Variants in ZSCAN18 observed in about 807,000 individuals in gnomAD.
ZSCAN18 encodes the protein zinc finger and SCAN domain containing 18, also known as zinc finger and SCAN domain-containing protein 18.
In ZSCAN18, 16 loss-of-function variants were observed where a neutral mutation model predicts 31.1. That is an observed-to-expected ratio of 0.51 (90% CI 0.35 to 0.78). The LOEUF (loss-of-function observed/expected upper bound fraction) is 0.78, where lower values mean the gene tolerates loss of function less well. ZSCAN18 is among the 30% of genes least tolerant of loss of function. ZSCAN18 has a pLI of 0.01. For synonymous variants in ZSCAN18, 375 were observed against 320.7 expected (o/e 1.17, Z -1.81); for missense variants, 731 against 697.4 (o/e 1.05, Z -0.54).
At chr19:58,101,258 G>A (rs979284191), upstream of ZSCAN18, among the ~76,000 whole-genome samples, 8 of 148,378 alleles carry the variant, frequency 5.4e-5, no homozygotes, top group African/African-American at 7.5e-5. Flanking sequence ...TCAGCCTCCC[G>A]AATAGCTGGG....
At chr19:58,097,882 C>T (rs1206741618) in intron 1 of ZSCAN18, 1 of 963,780 alleles carries the variant, frequency 1.0e-6, no homozygotes, top group African/African-American at 1.9e-5. Flanking sequence ...CCCTAAGCGC[C>T]TCCCCTCCAC....
At chr19:58,105,976 A>G (rs1353563372) in intron 1 of ZSCAN18, among the ~76,000 whole-genome samples, 3 of 152,076 alleles carry the variant, frequency 2.0e-5, no homozygotes, top group Non-Finnish European at 4.4e-5. Flanking sequence ...GAGAATCCTT[A>G]TCAAAAAAGA....
Position 58,108,737 on chromosome 19 carries a change from C to T in ZSCAN18, c.130+9530G>A, listed in dbSNP as rs1043020418. 4.1e-6 allele frequency: 4 copies of T among 985,456 alleles called. No homozygotes were observed. In the African/African-American group the frequency reaches 7.0e-5, roughly 17 times the overall value. The allele number at this position is 985,456 out of a possible 1,614,324, so 61.0% of individuals were successfully genotyped here. A position where few individuals can be genotyped will look rare whatever the true frequency, so the allele number is the denominator to read the frequency against. On this transcript the variant is annotated intron_variant, in intron 1 of 1. Coordinates refer to the ZSCAN18 transcript ENST00000595721. ...GGACATGTGTCCCTATCAAACACCT[C>T]CTCGTGTCCTTCTCCTTTGTGTTGT...
chr19:58,097,639 C>T (rs934831582), intron 1 of ZSCAN18, among the ~76,000 whole-genome samples: 1 of 151,512 alleles, frequency 6.6e-6, no homozygotes, highest in African/African-American at 2.4e-5. Context: ...CCAGCGTCCC[C>T]CCACCACGGA....
rs191901241 is a variant in ZSCAN18 at position 58,112,930 on chromosome 19, G to A, written c.130+5337C>T. Among the ~76,000 whole-genome samples, 212 of 96,106 alleles carry A rather than the reference G, an allele frequency of 2.2e-3. 1 individual carries two copies. The highest frequency in any genetic ancestry group is 3.1e-3 in the Non-Finnish European group (158 of 50,390). The allele number at this position is 96,106 out of a possible 152,430, so 63.0% of individuals were successfully genotyped here. A position where few individuals can be genotyped will look rare whatever the true frequency, so the allele number is the denominator to read the frequency against. ...CACACCACTGCACTCTAGCCTGGGC[G>A]ATAAAGCAAGGCTCCGTTTCAAAAA... On this transcript the variant is annotated intron_variant, in intron 1 of 1. Transcript: ENST00000595721.
upstream of ZSCAN18, among the ~76,000 whole-genome samples, chr19:58,102,366 C>A (rs1033971828): frequency 6.6e-6 from 1 of 152,046 alleles, no homozygotes; most frequent in Non-Finnish European, 1.5e-5. Flanking sequence ...GAGGCTGAGG[C>A]AGGAGAATGG....
At chr19:58,114,909 C>T (rs922295923) in intron 1 of ZSCAN18, among the ~76,000 whole-genome samples, 1 of 152,134 alleles carries the variant, frequency 6.6e-6, no homozygotes, top group African/African-American at 2.4e-5. Context: ...GAACTTATAA[C>T]AGGTTTCTCA....
chr19:58,103,624 C>T (rs1037127363), intron 1 of ZSCAN18, among the ~76,000 whole-genome samples: 29 of 152,156 alleles, frequency 1.9e-4, no homozygotes, highest in African/African-American at 4.6e-4. Context: ...CTCGCTGGTA[C>T]GCACTCTCTC....
chr19:58,114,566 C>A (rs1056103494), intron 1 of ZSCAN18, among the ~76,000 whole-genome samples: 5 of 152,024 alleles, frequency 3.3e-5, no homozygotes, highest in African/African-American at 1.2e-4. Context: ...TAAATATATA[C>A]ACAATATACA....
intron 1 of ZSCAN18, chr19:58,109,341 G>GA: frequency 1.6e-6 from 2 of 1,231,108 alleles, no homozygotes; most frequent in Non-Finnish European, 2.0e-6. Context: ...AATCCTTAGA[G>GA]AAAAAATTGC....
At position 58,084,387 on chromosome 19, in the gene ZSCAN18, T is replaced by TCAAA. The variant is rs1263148500; in HGVS notation, c.*294_*297dup. 1 of 354,116 alleles carries TCAAA rather than the reference T, an allele frequency of 2.8e-6. No homozygotes were observed. Among genetic ancestry groups the TCAAA allele is most frequent in the Non-Finnish European group, 5.1e-6 (1 of 197,486 alleles). The allele number at this position is 354,116 out of a possible 1,614,324, so 21.9% of individuals were successfully genotyped here. ...TAAGGCAACTCTACACTGCACAATGTCAAATAACCTAGCATGGGGCGGCAC... is the reference window on the plus strand; with the variant it reads ...TAAGGCAACTCTACACTGCACAATGTCAAACAAATAACCTAGCATGGGGCGGCAC... On this transcript the variant is annotated 3_prime_UTR_variant, in exon 7 of 7. Transcript: ENST00000601144. This position sits in a 1 kb window ranked among gnomAD's most constrained non-coding sequence, Gnocchi z 4.5.
At chr19:58,085,482 C>A (rs1042384380) in intron 6 of ZSCAN18, 103 bp from the exon 7 acceptor site, 1 of 1,052,704 alleles carries the variant, frequency 9.5e-7, no homozygotes, top group Non-Finnish European at 1.3e-6. Flanking sequence ...GGGCTCCGGG[C>A]TCTGGATCCC....
chr19:58,116,071 GAGA>G (rs151314485), intron 1 of ZSCAN18, among the ~76,000 whole-genome samples: 3,849 of 151,528 alleles, frequency 0.025, 152 homozygotes, highest in African/African-American at 0.086. Flanking sequence ...AGGTTGGGGA[GAGA>G]AGAAGGTTGC....
At chr19:58,089,061 T>C (rs1342305155) in intron 2 of ZSCAN18, among the ~76,000 whole-genome samples, 2 of 151,932 alleles carry the variant, frequency 1.3e-5, no homozygotes, top group Non-Finnish European at 2.9e-5. Flanking sequence ...CCCAGCACTT[T>C]GGGAGGCCGA....
intron 2 of ZSCAN18, 112 bp from the exon 3 acceptor site, chr19:58,088,949 C>A (rs1196361395): frequency 5.1e-6 from 5 of 984,820 alleles, no homozygotes; most frequent in Non-Finnish European, 7.3e-6. Flanking sequence ...CACTACCCAT[C>A]CTGCACCTCA....
intron 1 of ZSCAN18, among the ~76,000 whole-genome samples, chr19:58,106,413 A>T: frequency 1.6e-5 from 1 of 60,716 alleles, no homozygotes; most frequent in Non-Finnish European, 5.2e-5. Flanking sequence ...AAAGAAAAAA[A>T]GACATCTGGC....
intron 1 of ZSCAN18, among the ~76,000 whole-genome samples, chr19:58,114,936 C>T (rs982822832): frequency 1.1e-4 from 16 of 152,114 alleles, no homozygotes; most frequent in Non-Finnish European, 1.5e-4. Flanking sequence ...ATTCAAGAGA[C>T]GGTTGTAAGT....
intron 1 of ZSCAN18, among the ~76,000 whole-genome samples, chr19:58,109,777 A>G (rs1304232871): frequency 1.4e-5 from 2 of 140,824 alleles, no homozygotes; most frequent in South Asian, 2.4e-4. Flanking sequence ...TCATATGTGC[A>G]CACACACACA....
At position 58,105,188 on chromosome 19, in the gene ZSCAN18, C is replaced by T. The variant is rs374565208; in HGVS notation, c.130+13079G>A. 3.9e-5 allele frequency among the ~76,000 whole-genome samples: 6 copies of T among 152,280 alleles called. No homozygotes were observed. The South Asian group carries it at 1.0e-3, about 26-fold the overall frequency. On this transcript the variant is annotated intron_variant, in intron 1 of 1. Transcript: ENST00000595721. Reference sequence around the variant, plus strand: ...AGTATGGTGTACTGAATATTTTAAACCCACTGTTGAGAGACTTCCTCCTGA... The same window carrying T: ...AGTATGGTGTACTGAATATTTTAAATCCACTGTTGAGAGACTTCCTCCTGA...
Sources: allele counts gnomAD v4.1 joint callset (sites outside exome capture counted in the v4.1 genomes callset), GRCh38; gene constraint gnomAD v4.1.1; non-coding constraint Gnocchi (gnomAD v3.1); transcripts MANE v1.5; gene names NCBI Gene and HGNC (gene_info 2026-07-23, HGNC 2026-07-21).